Variants in TNFRSF10A observed in about 807,000 individuals in gnomAD.
TNFRSF10A encodes TNF receptor superfamily member 10a.
In TNFRSF10A, 44 loss-of-function variants were observed where a neutral mutation model predicts 42.8. The observed-to-expected ratio is 1.03, with a 90% CI of 0.81 to 1.32. The LOEUF (loss-of-function observed/expected upper bound fraction) is 1.32, where lower values mean the gene tolerates loss of function less well. Among genes scored for constraint, TNFRSF10A ranks in the 40% most tolerant of loss-of-function variants. TNFRSF10A has a pLI of 0.00. For synonymous variants in TNFRSF10A, 259 were observed against 234.2 expected, an observed-to-expected ratio of 1.11 and a Z score of -0.97; for missense variants, 680 against 602.0, an observed-to-expected ratio of 1.13 and a Z score of -1.36.
chr8:23,205,636 G>A (rs1369996956), intron 2 of TNFRSF10A, among the ~76,000 whole-genome samples: 3 of 151,780 alleles, frequency 2.0e-5, no homozygotes, highest in Admixed American at 6.6e-5. Flanking sequence ...CCTCCAACGC[G>A]ACAAGATGTG....
intron 1 of TNFRSF10A, among the ~76,000 whole-genome samples, chr8:23,220,006 T>C (rs1801235953): frequency 6.6e-6 from 1 of 152,180 alleles, no homozygotes; most frequent in Non-Finnish European, 1.5e-5. Flanking sequence ...TGAGCTTTGG[T>C]CCTCTCCTCT....
At position 23,190,831 on chromosome 8, in the gene TNFRSF10A, G is replaced by T. The variant is rs1404948910; in HGVS notation, c.*863C>A. ...GACTTAATCCAGCCCAAAAACCTAA[G>T]ACCCAGGGAAGCCGATGGTGTAATT... is the stretch of plus-strand genomic sequence containing the variant. On this transcript the variant is annotated 3_prime_UTR_variant, in exon 10 of 10. Coordinates refer to ENST00000221132, the MANE Select transcript of TNFRSF10A (RefSeq NM_003844.4). 3 of 152,186 alleles carry T rather than the reference G, an allele frequency of 2.0e-5. No homozygotes were observed. Among genetic ancestry groups the T allele is most frequent in the Non-Finnish European group, 4.4e-5 (3 of 68,068 alleles). 9.4% of individuals were successfully genotyped at this position (152,186 alleles called of 1,614,324 possible). A position where few individuals can be genotyped will look rare whatever the true frequency, so the allele number is the denominator to read the frequency against.
chr8:23,205,660 G>A (rs1226583606), intron 2 of TNFRSF10A, among the ~76,000 whole-genome samples: 1 of 151,510 alleles, frequency 6.6e-6, no homozygotes, highest in Non-Finnish European at 1.5e-5. Flanking sequence ...GTGAAAGACA[G>A]TGATGTTGAT....
chr8:23,224,653 C>T (rs1801308515), intron 1 of TNFRSF10A, 103 bp downstream of exon 1: 1 of 1,408,886 alleles, frequency 7.1e-7, no homozygotes, highest in Non-Finnish European at 9.5e-7. Context: ...TGCCCCGCCA[C>T]AAGTGACCCG....
chr8:23,208,371 ATTTG>A (rs1183626074), intron 2 of TNFRSF10A, among the ~76,000 whole-genome samples: 3 of 152,064 alleles, frequency 2.0e-5, no homozygotes, highest in Non-Finnish European at 4.4e-5. Flanking sequence ...TTTTTTGTTT[ATTTG>A]TTTGTTTCTT....
chr8:23,221,418 T>A (rs1373044589), intron 1 of TNFRSF10A, among the ~76,000 whole-genome samples: 3 of 152,200 alleles, frequency 2.0e-5, no homozygotes, highest in Non-Finnish European at 4.4e-5. Context: ...TTCAGAGCCA[T>A]CAGAATTTCT....
intron 9 of TNFRSF10A, among the ~76,000 whole-genome samples, chr8:23,195,541 G>A (rs1030238946): frequency 3.3e-5 from 5 of 152,266 alleles, no homozygotes; most frequent in African/African-American, 9.6e-5. Context: ...AACACAGTTG[G>A]ATAAAATGGT....
chr8:23,205,015 C>A (rs970100905), intron 2 of TNFRSF10A, among the ~76,000 whole-genome samples: 1 of 151,348 alleles, frequency 6.6e-6, no homozygotes, highest in Non-Finnish European at 1.5e-5. Flanking sequence ...CTAAGACACT[C>A]GAAAAAGAAG....
chr8:23,206,978 T>G, intron 2 of TNFRSF10A: 1 of 348,970 alleles, frequency 2.9e-6, no homozygotes, highest in East Asian at 6.8e-5. Flanking sequence ...GATGCAAAGG[T>G]TTTGAAGGCC....
At chr8:23,216,304 G>A (rs1382848287) in intron 1 of TNFRSF10A, among the ~76,000 whole-genome samples, 1 of 152,040 alleles carries the variant, frequency 6.6e-6, no homozygotes, top group African/African-American at 2.4e-5. Context: ...CTGAGTCATT[G>A]ATTTTGATAC....
intron 6 of TNFRSF10A, 46 bp downstream of exon 6, chr8:23,200,459 G>T (rs368374905): frequency 6.3e-7 from 1 of 1,591,500 alleles, no homozygotes; most frequent in South Asian, 1.1e-5. Flanking sequence ...ACAGAAGAAG[G>T]CAGGGCAGAG....
intron 2 of TNFRSF10A, 104 bp downstream of exon 2, chr8:23,212,012 A>G (rs1801098594): frequency 1.9e-6 from 2 of 1,042,098 alleles, no homozygotes; most frequent in South Asian, 1.5e-5. Flanking sequence ...CTTGAAGAAC[A>G]TGGAAAAGGA....
At position 23,199,263 on chromosome 8, in the gene TNFRSF10A, C is replaced by A; in HGVS notation, c.1014+3G>T. 1 of 1,611,242 alleles carries A rather than the reference C, an allele frequency of 6.2e-7. No individual in the cohort carries two copies. The highest frequency in any genetic ancestry group is 8.5e-7 in the Non-Finnish European group (1 of 1,177,698). On this transcript the variant is annotated splice_donor_region_variant and intron_variant, in intron 8 of 9. Transcript: ENST00000221132. ...GTCTTGGAGGGGCCTGTCCCCAACT[C>A]ACCAGCAGACACTGTGCCTCCCCTG...
At chr8:23,219,690 G>C (rs1275966672) in intron 1 of TNFRSF10A, among the ~76,000 whole-genome samples, 1 of 152,208 alleles carries the variant, frequency 6.6e-6, no homozygotes, top group South Asian at 2.1e-4. Context: ...AAGAGGCAGC[G>C]GCAGAGGCCC....
chr8:23,206,991 G>T, intron 2 of TNFRSF10A: 1 of 361,802 alleles, frequency 2.8e-6, no homozygotes, highest in Non-Finnish European at 5.3e-6. Flanking sequence ...TGAAGGCCAA[G>T]AAGGCAGTGT....
intron 2 of TNFRSF10A, chr8:23,207,486 C>T: frequency 5.4e-6 from 2 of 367,500 alleles, no homozygotes; most frequent in East Asian, 6.3e-5. Flanking sequence ...AGAATTAATA[C>T]CAATTATTCA....
At position 23,212,209 on chromosome 8, in the gene TNFRSF10A, C is replaced by T. The variant is rs1039881745; in HGVS notation, c.310G>A (p.Val104Ile). The T allele has an allele frequency of 4.3e-6, 7 of 1,612,878 alleles. No homozygotes were observed. Among genetic ancestry groups the T allele is most frequent in the South Asian group, 2.2e-5 (2 of 91,056 alleles). Reference sequence around the variant, plus strand: ...TTGATGGTTGCAGCTGAGCTAGGTACGACCTGTGGGGACAAAGCAGGGACT... The same window carrying T: ...TTGATGGTTGCAGCTGAGCTAGGTATGACCTGTGGGGACAAAGCAGGGACT... ...FVVVGVLLQV[V>I]PSSAATIKLH... The change falls in exon 2 of 10, where the codon GTA becomes ATA. Residue 104 changes from valine to isoleucine, a missense_variant. By Grantham distance (29) the Val-to-Ile change is conservative (BLOSUM62 3). Coordinates refer to ENST00000221132, the MANE Select transcript of TNFRSF10A (RefSeq NM_003844.4).
chr8:23,224,310 AAAAAAAAAAAAAG>A (rs1393593893), intron 1 of TNFRSF10A: 3 of 78,644 alleles, frequency 3.8e-5, no homozygotes, highest in African/African-American at 1.3e-4. Flanking sequence ...AAAAAAAAAA[AAAAAAAAAAAAAG>A]AAGAGAAGAA....
intron 1 of TNFRSF10A, among the ~76,000 whole-genome samples, chr8:23,217,303 A>C (rs1293624157): frequency 6.6e-6 from 1 of 151,950 alleles, no homozygotes; most frequent in Non-Finnish European, 1.5e-5. Flanking sequence ...GCAACCTCCG[A>C]ATCCCTGGTT....
Sources: allele counts gnomAD v4.1 joint callset (sites outside exome capture counted in the v4.1 genomes callset), GRCh38; gene constraint gnomAD v4.1.1; transcripts MANE v1.5; gene names NCBI Gene and HGNC (gene_info 2026-07-23, HGNC 2026-07-21).